PDHX: variants seen among roughly 807,000 people sequenced by gnomAD.
PDHX encodes pyruvate dehydrogenase complex component X.
Under a neutral mutation model 55.3 loss-of-function variants are expected in PDHX, and 33 were observed. That is an observed-to-expected ratio of 0.60 (90% confidence interval 0.45 to 0.80). The LOEUF is 0.80. Among genes scored for constraint, PDHX ranks in the 30% least tolerant of loss-of-function variants. The pLI is 0.00. For missense variants in PDHX, 622 were observed against 619.9 expected (o/e 1.00, Z -0.04); for synonymous variants, 226 against 219.4 (o/e 1.03, Z -0.27).
chr11:34,980,087 A>G (rs1463721457), intron 8 of PDHX, among the ~76,000 whole-genome samples: 1 of 151,184 alleles, frequency 6.6e-6, no homozygotes, highest in Non-Finnish European at 1.5e-5. Context: ...CAATTTTAAA[A>G]GCTTATATTT....
chr11:34,926,927 G>A (rs1174722170), intron 1 of PDHX, among the ~76,000 whole-genome samples: 3 of 152,002 alleles, frequency 2.0e-5, no homozygotes, highest in Admixed American at 2.0e-4. Flanking sequence ...TTCAGTGATT[G>A]GTAAATTGCT....
At chr11:34,954,188 A>G (rs1854849630) in intron 3 of PDHX, among the ~76,000 whole-genome samples, 1 of 152,228 alleles carries the variant, frequency 6.6e-6, no homozygotes, top group Admixed American at 6.5e-5. Context: ...AGTAGTCACT[A>G]GGTAGCTTTC....
chr11:34,966,534 T>G, intron 5 of PDHX, 106 bp from the exon 6 acceptor site: 1 of 1,008,400 alleles, frequency 9.9e-7, no homozygotes, highest in Non-Finnish European at 1.6e-6. Flanking sequence ...AACCTTGACA[T>G]CTGTATATTT....
chr11:34,940,315 T>C (rs1367549306), intron 2 of PDHX, among the ~76,000 whole-genome samples: 3 of 152,188 alleles, frequency 2.0e-5, no homozygotes, highest in African/African-American at 7.2e-5. Context: ...TCAAATAGTT[T>C]TTGTCTAATA....
At chr11:34,920,132 A>G (rs571155586) in intron 1 of PDHX, among the ~76,000 whole-genome samples, 4 of 152,364 alleles carry the variant, frequency 2.6e-5, no homozygotes, top group Non-Finnish European at 2.9e-5. Flanking sequence ...AGTGATCATT[A>G]TATAATTGAC....
At chr11:34,984,304 C>T (rs1358156473) in intron 8 of PDHX, among the ~76,000 whole-genome samples, 1 of 152,132 alleles carries the variant, frequency 6.6e-6, no homozygotes, top group East Asian at 1.9e-4. Context: ...AGCCCTTTTT[C>T]CCCACCATGA....
At chr11:34,939,231 T>A (rs543802428) in intron 2 of PDHX, among the ~76,000 whole-genome samples, 13 of 152,232 alleles carry the variant, frequency 8.5e-5, no homozygotes, top group Non-Finnish European at 1.5e-4. Flanking sequence ...TTGTTTGATT[T>A]TTGAGATCTT....
At chr11:34,943,267 T>C (rs745927595) in intron 2 of PDHX, among the ~76,000 whole-genome samples, 2 of 152,198 alleles carry the variant, frequency 1.3e-5, no homozygotes, top group Non-Finnish European at 2.9e-5. Flanking sequence ...TTTAAATAAA[T>C]TAGACCTACT....
chr11:34,935,024 G>C (rs977982419), intron 2 of PDHX, among the ~76,000 whole-genome samples: 1 of 152,052 alleles, frequency 6.6e-6, no homozygotes, highest in South Asian at 2.1e-4. Context: ...GAATAACCCT[G>C]GTTGAGGTTG....
At chr11:34,991,407 A>G (rs1191494086) in intron 9 of PDHX, among the ~76,000 whole-genome samples, 1 of 152,214 alleles carries the variant, frequency 6.6e-6, no homozygotes, top group Non-Finnish European at 1.5e-5. Flanking sequence ...GTCTTTAGGA[A>G]CAAACATTAA....
At chr11:34,938,974 G>T (rs572706442) in intron 2 of PDHX, among the ~76,000 whole-genome samples, 43 of 152,086 alleles carry the variant, frequency 2.8e-4, no homozygotes, top group Non-Finnish European at 5.0e-4. Context: ...CTTAATCCTT[G>T]GTTCTTAGTG....
intron 4 of PDHX, among the ~76,000 whole-genome samples, chr11:34,958,323 G>A (rs145446049): frequency 3.3e-5 from 5 of 152,086 alleles, no homozygotes; most frequent in East Asian, 1.9e-4. Flanking sequence ...GGTGGGTGAC[G>A]GAGTTTTGAT....
At chr11:34,977,892 T>C (rs1251460423) in intron 7 of PDHX, 1 of 566,020 alleles carries the variant, frequency 1.8e-6, no homozygotes, top group Non-Finnish European at 3.4e-6. Context: ...AAAAAATTGA[T>C]AACCAAGGCC....
At chr11:34,978,020 ATTGT>A (rs1855416125) in intron 7 of PDHX, 100 bp from the exon 8 acceptor site, 3 of 712,558 alleles carry the variant, frequency 4.2e-6, no homozygotes, top group South Asian at 1.6e-5. Context: ...ATTTTTTATC[ATTGT>A]TTGTCAGTAC....
rs1436709221 is a variant in PDHX, at chr11:34,916,671, A to G, written c.16A>G (p.Arg6Gly). The G allele has an allele frequency of 6.2e-7, 1 of 1,610,654 alleles. No individual in the cohort carries two copies. Residue 6 changes from arginine (R) to glycine (G), a missense_variant, in exon 1 of 11, where the codon AGG becomes GGG. Arg to Gly is a moderately radical substitution (Grantham distance 125, BLOSUM62 -2). Coordinates refer to ENST00000227868, the MANE Select transcript of PDHX (RefSeq NM_003477.3). Reference sequence around the variant, plus strand: ...GGCCGTCAAGATGGCGGCCTCCTGGAGGCTGGGCTGTGATCCGCGGCTGCT... The same window carrying G: ...GGCCGTCAAGATGGCGGCCTCCTGGGGGCTGGGCTGTGATCCGCGGCTGCT... MAASW[R>G]LGCDPRLLRY...
At chr11:34,994,776 G>A (rs1307604924) in intron 10 of PDHX, 138 bp from the exon 11 acceptor site, 2 of 842,208 alleles carry the variant, frequency 2.4e-6, no homozygotes, top group East Asian at 2.5e-5. Flanking sequence ...AATACTAAAT[G>A]TTTCCTTTTT....
intron 1 of PDHX, among the ~76,000 whole-genome samples, chr11:34,918,563 C>T (rs183911128): frequency 6.6e-6 from 1 of 152,274 alleles, no homozygotes; most frequent in Non-Finnish European, 1.5e-5. Flanking sequence ...TAGACATATA[C>T]CATGAACAAC....
At chr11:34,924,464 A>G (rs1045871216) in intron 1 of PDHX, among the ~76,000 whole-genome samples, 1 of 151,520 alleles carries the variant, frequency 6.6e-6, no homozygotes, top group Admixed American at 6.6e-5. Context: ...AATGTGATCC[A>G]CCCGCCTCAG....
intron 2 of PDHX, among the ~76,000 whole-genome samples, chr11:34,941,069 C>T (rs1178102449): frequency 5.6e-5 from 3 of 53,218 alleles, no homozygotes; most frequent in African/African-American, 2.5e-4. Context: ...ACAGTAGCTA[C>T]TAGACTTTAA....
Sources: allele counts gnomAD v4.1 joint callset (sites outside exome capture counted in the v4.1 genomes callset), GRCh38; gene constraint gnomAD v4.1.1; transcripts MANE v1.5; gene names NCBI Gene and HGNC (gene_info 2026-07-23, HGNC 2026-07-21).